POP1: variants seen among roughly 807,000 people sequenced by gnomAD.
POP1 encodes POP1 ribonuclease P/MRP subunit.
In POP1, 75 loss-of-function variants were observed where a neutral mutation model predicts 102.2. The ratio of observed to expected loss-of-function variants is 0.73; its 90% CI spans 0.61 to 0.89. The LOEUF (loss-of-function observed/expected upper bound fraction) is 0.89, where lower values mean the gene tolerates loss of function less well. POP1 is among the 40% of genes least tolerant of loss of function. The probability of loss-of-function intolerance (pLI) is 0.00; values close to 1 mark genes in which losing one functional copy is unlikely to be tolerated. For synonymous variants in POP1, 436 were observed against 464.1 expected, an observed-to-expected ratio of 0.94 and a Z score of 0.78; for missense variants, 1,116 against 1,267.4, an observed-to-expected ratio of 0.88 and a Z score of 1.81.
intron 10 of POP1, 145 bp downstream of exon 10, chr8:98,140,334 C>A: frequency 1.4e-6 from 1 of 710,902 alleles, no homozygotes; most frequent in Non-Finnish European, 2.6e-6. Flanking sequence ...AGGGACTGAA[C>A]TCAGTGAATA....
intron 11 of POP1, among the ~76,000 whole-genome samples, chr8:98,144,482 C>G (rs1366799887): frequency 1.3e-5 from 2 of 152,038 alleles, no homozygotes; most frequent in Non-Finnish European, 2.9e-5. Flanking sequence ...ACTAAATTGC[C>G]TAGGCTGGTC....
At chr8:98,124,769 G>A (rs981512916) in intron 2 of POP1, among the ~76,000 whole-genome samples, 3 of 152,120 alleles carry the variant, frequency 2.0e-5, no homozygotes, top group African/African-American at 7.2e-5. Context: ...TTATACTTCT[G>A]TGTTTCCTAA....
chr8:98,150,409 A>G (rs559466538), intron 13 of POP1, 76 bp from the exon 14 acceptor site: 52 of 1,545,214 alleles, frequency 3.4e-5, no homozygotes, highest in Middle Eastern at 1.7e-4. Flanking sequence ...GGTTGTTTCC[A>G]TTTTCCCCCA....
At position 98,128,394 on chromosome 8, in the gene POP1, G is replaced by A. The variant is rs147730820; in HGVS notation, c.340G>A (p.Glu114Lys). 9.3e-6 allele frequency: 15 copies of A among 1,613,954 alleles called. No homozygotes were observed. The highest frequency in any genetic ancestry group is 1.3e-5 in the Non-Finnish European group (15 of 1,180,024). Residue 114 changes from glutamate to lysine, a missense_variant, in exon 4 of 16, where the codon GAA becomes AAA. By Grantham distance (56) the Glu-to-Lys change is moderately conservative (BLOSUM62 1). Transcript: ENST00000401707. The part of the protein sequence containing the change: ...ASTFAQARAA[E>K]ISAMLKAVTQ... ...TACTTTTGCTCAAGCACGAGCTGCT[G>A]AAATCAGTGCTATGTTAAAAGCTGT... is the stretch of plus-strand genomic sequence containing the variant.
chr8:98,130,137 A>T lies in POP1; in HGVS notation c.646A>T (p.Lys216Ter). The change falls in exon 5 of 16, where the codon AAG becomes TAG. Residue 216 changes from lysine (K) to a stop codon, truncating the protein, a stop_gained. Transcript: ENST00000401707. LOFTEE classifies it high-confidence loss of function. ...GCACGCCAAGCGGTTTCATATGGTC[A>T]AGAAGTGGGGCTACTGCCTTGGGGA... ...IWHAKRFHMV[K>*]KWGYCLGERP... The T allele has an allele frequency of 6.2e-7, 1 of 1,614,226 alleles. No homozygotes were observed. The highest frequency in any genetic ancestry group is 8.5e-7 in the Non-Finnish European group (1 of 1,180,038).
In POP1 at chr8:98,136,842, G is replaced by T; in HGVS notation, c.1269-19G>T. 3.1e-6 allele frequency: 5 copies of T among 1,611,806 alleles called. No homozygotes were observed. Among genetic ancestry groups the T allele is most frequent in the Non-Finnish European group, 3.4e-6 (4 of 1,177,918 alleles). On this transcript the variant is annotated intron_variant, in intron 8 of 15. Coordinates refer to ENST00000401707, the MANE Select transcript of POP1 (RefSeq NM_001145860.2). ...TGTGTGATGAAAGTTTCCATTTTAAGATGTTCTTTCTTTTTCAGCGATTTG... is the reference window on the plus strand; with the variant it reads ...TGTGTGATGAAAGTTTCCATTTTAATATGTTCTTTCTTTTTCAGCGATTTG...
chr8:98,138,103 T>C (rs1020268906), intron 9 of POP1, among the ~76,000 whole-genome samples: 3 of 152,236 alleles, frequency 2.0e-5, no homozygotes, highest in Non-Finnish European at 4.4e-5. Context: ...AGGAAAGGAT[T>C]CTAGAGGGAA....
chr8:98,155,431 C>G (rs1163092513), intron 14 of POP1, among the ~76,000 whole-genome samples: 1 of 151,860 alleles, frequency 6.6e-6, no homozygotes, highest in East Asian at 1.9e-4. Flanking sequence ...CAGGCATGTG[C>G]CACCACACCC....
intron 13 of POP1, 140 bp from the exon 14 acceptor site, chr8:98,150,345 G>T (rs1457226216): frequency 1.1e-5 from 10 of 872,914 alleles, no homozygotes; most frequent in Non-Finnish European, 1.8e-5. Context: ...TTTTACTATT[G>T]CATGGTAATC....
rs751342536 is a variant in POP1, at chr8:98,140,854, G to T, written c.1560G>T (p.Lys520Asn). ...CTCGAATAAATTTGCCCCAAAAGAA[G>T]TCCAAAGCTTTGCCCAATCCAGAAA... ...GDPRINLPQK[K>N]SKALPNPEKC... Residue 520 changes from lysine (K) to asparagine (N), a missense_variant, in exon 11 of 16, where the codon AAG (lysine) becomes AAT (asparagine). Lys to Asn is a moderately conservative substitution (Grantham distance 94, BLOSUM62 0). Transcript: ENST00000401707. The T allele has an allele frequency of 1.9e-6, 3 of 1,614,046 alleles. No individual in the cohort carries two copies. Among genetic ancestry groups the T allele is most frequent in the South Asian group, 1.1e-5 (1 of 91,078 alleles).
intron 15 of POP1, 86 bp downstream of exon 15, chr8:98,156,498 G>T (rs112219567): frequency 6.5e-7 from 1 of 1,537,982 alleles, no homozygotes; most frequent in South Asian, 1.2e-5. Context: ...ATCACTGTTT[G>T]TTTATGCAAA....
At chr8:98,155,215 G>T (rs192880322) in intron 14 of POP1, among the ~76,000 whole-genome samples, 17 of 152,292 alleles carry the variant, frequency 1.1e-4, no homozygotes, top group Admixed American at 6.5e-4. Context: ...GCCACATGGG[G>T]CTACATTGTT....
chr8:98,134,630 T>A lies in POP1; in HGVS notation c.982T>A (p.Trp328Arg). ...PGDPSESRQL[W>R]IWLHPTLKQD... ...TGACCCTTCTGAGAGCAGGCAGCTG[T>A]GGATCTGGCTGCATCCAACCCTTAA... The change falls in exon 7 of 16, where the codon TGG becomes AGG. Residue 328 changes from tryptophan to arginine, a missense_variant. Trp to Arg is a moderately radical substitution (Grantham distance 101). Coordinates refer to ENST00000401707, the MANE Select transcript of POP1 (RefSeq NM_001145860.2). 1.2e-6 allele frequency: 2 copies of A among 1,613,870 alleles called. No individual in the cohort carries two copies. The highest frequency in any genetic ancestry group is 1.7e-6 in the Non-Finnish European group (2 of 1,179,720).
chr8:98,147,673 G>A (rs569468518), intron 12 of POP1, among the ~76,000 whole-genome samples: 1 of 152,254 alleles, frequency 6.6e-6, no homozygotes, highest in African/African-American at 2.4e-5. Context: ...CATAATGGGG[G>A]CCTGAATTGT....
At chr8:98,150,416 C>T in intron 13 of POP1, 69 bp from the exon 14 acceptor site, 2 of 1,562,482 alleles carry the variant, frequency 1.3e-6, no homozygotes, top group Admixed American at 1.7e-5. Context: ...TCCATTTTCC[C>T]CCATATAAAC....
intron 2 of POP1, among the ~76,000 whole-genome samples, chr8:98,124,669 G>A (rs528382621): frequency 2.6e-5 from 4 of 152,286 alleles, no homozygotes; most frequent in African/African-American, 9.6e-5. Context: ...ATTCAGGGAC[G>A]TATGAAACAT....
At chr8:98,136,993 T>A (rs1163431337) in intron 9 of POP1, 39 bp downstream of exon 9, 3 of 1,528,400 alleles carry the variant, frequency 2.0e-6, no homozygotes, top group Non-Finnish European at 2.7e-6. Flanking sequence ...ATTCTAATCA[T>A]GTTTTTCCTG....
At chr8:98,141,544 T>A in intron 11 of POP1, among the ~76,000 whole-genome samples, 1 of 152,036 alleles carries the variant, frequency 6.6e-6, no homozygotes, top group Middle Eastern at 3.2e-3. Context: ...AAGGTTTGTG[T>A]TGTAACGACT....
chr8:98,156,557 A>G, intron 15 of POP1, 145 bp downstream of exon 15: 1 of 1,005,878 alleles, frequency 9.9e-7, no homozygotes, highest in South Asian at 1.6e-5. Context: ...AGTCTTTTAT[A>G]TTTCATAGAG....
Sources: allele counts gnomAD v4.1 joint callset (sites outside exome capture counted in the v4.1 genomes callset), GRCh38; gene constraint gnomAD v4.1.1; transcripts MANE v1.5; gene names NCBI Gene and HGNC (gene_info 2026-07-23, HGNC 2026-07-21).